Variants in GNB1 observed in about 807,000 individuals in gnomAD.
GNB1 encodes the protein G protein subunit beta 1.
A neutral mutation model predicts 42.9 loss-of-function variants in GNB1; 2 were observed. That is an observed-to-expected ratio of 0.05 (90% CI 0.02 to 0.15). The LOEUF (loss-of-function observed/expected upper bound fraction) is 0.15. Ranked by LOEUF, GNB1 falls within the 10% of genes least tolerant of loss-of-function variation. The pLI, the probability that GNB1 is intolerant of heterozygous loss-of-function variation, is 1.00. For synonymous variants in GNB1, 183 were observed against 174.7 expected (o/e 1.05, Z -0.38); for missense variants, 193 against 462.2 (o/e 0.42, Z 5.34).
chr1:1,857,931 T>C (rs965151022), intron 1 of GNB1, among the ~76,000 whole-genome samples: 2 of 152,140 alleles, frequency 1.3e-5, no homozygotes, highest in African/African-American at 2.4e-5. Flanking sequence ...ATGTGGTCTC[T>C]CTCGTACTGT....
chr1:1,812,800 G>A (rs1646800098), intron 5 of GNB1, among the ~76,000 whole-genome samples: 1 of 151,980 alleles, frequency 6.6e-6, no homozygotes. Flanking sequence ...AGCCTCCCAT[G>A]CAAGGATCTG....
At chr1:1,881,783 C>A (rs1403643321) in intron 1 of GNB1, among the ~76,000 whole-genome samples, 1 of 152,154 alleles carries the variant, frequency 6.6e-6, no homozygotes, top group South Asian at 2.1e-4. Context: ...AACTTCCGTC[C>A]CTGGATGTGC....
chr1:1,887,776 G>A (rs184733731), intron 1 of GNB1, among the ~76,000 whole-genome samples: 2 of 152,030 alleles, frequency 1.3e-5, no homozygotes, highest in East Asian at 3.9e-4. Context: ...CCACCACGCC[G>A]GCTAATTTTA....
intron 2 of GNB1, among the ~76,000 whole-genome samples, chr1:1,838,427 T>C (rs1331095454): frequency 6.6e-6 from 1 of 151,432 alleles, no homozygotes; most frequent in Non-Finnish European, 1.5e-5. Flanking sequence ...TGAATCATGT[T>C]CACCTTACTT....
intron 2 of GNB1, among the ~76,000 whole-genome samples, chr1:1,833,970 G>C (rs1647111197): frequency 6.6e-6 from 1 of 152,120 alleles, no homozygotes; most frequent in South Asian, 2.1e-4. Context: ...AATGGCCTGG[G>C]AAACACTCCA....
At chr1:1,871,242 T>C (rs549943277) in intron 1 of GNB1, among the ~76,000 whole-genome samples, 2 of 151,914 alleles carry the variant, frequency 1.3e-5, no homozygotes, top group Non-Finnish European at 2.9e-5. Flanking sequence ...GGTGGATCAC[T>C]TAAGGCCAGG....
At chr1:1,808,247 C>T (rs766360770) in intron 5 of GNB1, among the ~76,000 whole-genome samples, 2 of 151,854 alleles carry the variant, frequency 1.3e-5, no homozygotes, top group African/African-American at 4.8e-5. Context: ...TCAGGTGATC[C>T]GCCCACCTCG....
intron 5 of GNB1, among the ~76,000 whole-genome samples, chr1:1,810,537 A>C (rs1208804708): frequency 1.1e-4 from 1 of 9,276 alleles, no homozygotes; most frequent in Non-Finnish European, 8.1e-4. Flanking sequence ...CCCAGTCTCA[A>C]AAAAAAAAAA....
chr1:1,790,528 C>T lies in GNB1; in HGVS notation c.566G>A (p.Ser189Asn). 1 of 1,613,706 alleles carries T rather than the reference C, an allele frequency of 6.2e-7. No individual in the cohort carries two copies. The highest frequency in any genetic ancestry group is 8.5e-7 in the Non-Finnish European group (1 of 1,179,678). The change falls in exon 9 of 12, where the codon AGC (serine) becomes AAC (asparagine). Residue 189 changes from serine (S) to asparagine (N), a missense_variant. By Grantham distance (46) the Ser-to-Asn change is conservative (BLOSUM62 1). Coordinates refer to ENST00000378609, the MANE Select transcript of GNB1 (RefSeq NM_002074.5). This position sits in a 1 kb window ranked among gnomAD's most constrained non-coding sequence, Gnocchi z 5.4. The part of the protein sequence containing the change: ...TFTGHTGDVM[S>N]LSLAPDTRLF... Reference sequence around the variant, plus strand: ...TCTGGTGTCAGGAGCAAGAGAAAGGCTCATGACATCTCCAGTGTGTCCGGT... The same window carrying T: ...TCTGGTGTCAGGAGCAAGAGAAAGGTTCATGACATCTCCAGTGTGTCCGGT...
chr1:1,815,926 T>A (rs1646847966), intron 4 of GNB1, 64 bp from the exon 5 acceptor site: 1 of 1,014,520 alleles, frequency 9.9e-7, no homozygotes, highest in Non-Finnish European at 1.5e-6. Flanking sequence ...TCATCACCCA[T>A]CCTTGTCAAG....
At chr1:1,887,655 T>C (rs1234362288) in intron 1 of GNB1, among the ~76,000 whole-genome samples, 2 of 152,232 alleles carry the variant, frequency 1.3e-5, no homozygotes, top group East Asian at 3.8e-4. Flanking sequence ...TGAGACACAG[T>C]CTCACTCTGT....
At chr1:1,791,064 A>G (rs1646475225) in intron 8 of GNB1, among the ~76,000 whole-genome samples, 1 of 152,074 alleles carries the variant, frequency 6.6e-6, no homozygotes, top group Non-Finnish European at 1.5e-5. Flanking sequence ...AGGCAGGAGA[A>G]GGCCAATGCC....
intron 2 of GNB1, among the ~76,000 whole-genome samples, chr1:1,828,946 T>C (rs1241700319): frequency 6.6e-6 from 1 of 152,132 alleles, no homozygotes; most frequent in African/African-American, 2.4e-5. Context: ...AATTTCCTGG[T>C]CAGGCCCTCT....
intron 3 of GNB1, among the ~76,000 whole-genome samples, chr1:1,822,604 C>T (rs1241999351): frequency 1.3e-5 from 2 of 152,108 alleles, no homozygotes; most frequent in South Asian, 2.1e-4. Context: ...CGTCAGCCAC[C>T]GCGCCCGACC....
At chr1:1,833,407 G>A (rs1289867194) in intron 2 of GNB1, among the ~76,000 whole-genome samples, 1 of 152,206 alleles carries the variant, frequency 6.6e-6, no homozygotes, top group African/African-American at 2.4e-5. Context: ...CTCAGGCCCT[G>A]CTTCCCTTAC....
intron 1 of GNB1, among the ~76,000 whole-genome samples, chr1:1,886,882 G>A (rs1650186159): frequency 1.3e-5 from 2 of 151,816 alleles, no homozygotes; most frequent in East Asian, 1.9e-4. Flanking sequence ...ATTTTTTGTA[G>A]AGAAGTAATT....
intron 5 of GNB1, among the ~76,000 whole-genome samples, chr1:1,808,411 C>A (rs912491188): frequency 1.3e-5 from 2 of 152,094 alleles, no homozygotes; most frequent in Non-Finnish European, 2.9e-5. Flanking sequence ...GAATAAGGAG[C>A]AAAAGAATTT....
intron 3 of GNB1, among the ~76,000 whole-genome samples, chr1:1,822,513 C>T (rs1646944520): frequency 6.6e-6 from 1 of 152,024 alleles, no homozygotes; most frequent in South Asian, 2.1e-4. Context: ...GACGGGGTTT[C>T]ACCGTGTTAG....
chr1:1,788,901 C>G (rs1195304090), intron 10 of GNB1, 152 bp downstream of exon 10: 14 of 621,912 alleles, frequency 2.3e-5, no homozygotes, highest in Non-Finnish European at 2.9e-6. Context: ...AGGGTCAGAG[C>G]TGGGCCATCA....
Sources: allele counts gnomAD v4.1 joint callset (sites outside exome capture counted in the v4.1 genomes callset), GRCh38; gene constraint gnomAD v4.1.1; non-coding constraint Gnocchi (gnomAD v3.1); transcripts MANE v1.5; gene names NCBI Gene and HGNC (gene_info 2026-07-23, HGNC 2026-07-21).